The following PIP4K2A variants were observed in gnomAD, a reference collection of about 807,000 sequenced individuals.
PIP4K2A encodes phosphatidylinositol 5-phosphate 4-kinase type-2 alpha.
A neutral mutation model predicts 42.9 loss-of-function variants in PIP4K2A; 14 were observed. That is an observed-to-expected ratio of 0.33 (90% CI 0.22 to 0.51). The LOEUF (loss-of-function observed/expected upper bound fraction) is 0.51. Ranked by LOEUF, PIP4K2A falls within the 20% of genes least tolerant of loss-of-function variation. The pLI is 0.97. For missense variants in PIP4K2A, 434 were observed against 519.8 expected (o/e 0.83, Z 1.61); for synonymous variants, 192 against 192.2 (o/e 1.00, Z 0.01).
rs1325916033 is a variant in PIP4K2A at position 22,714,318 on chromosome 10, G to A, written c.9C>T (p.Thr3=). 2 of 1,604,664 alleles carry A rather than the reference G, an allele frequency of 1.2e-6. No homozygotes were observed. The highest frequency in any genetic ancestry group is 1.1e-5 in the South Asian group (1 of 90,648). The change falls in exon 1 of 10, where the codon ACC becomes ACT. Residue 3 remains threonine, a synonymous_variant. Coordinates refer to ENST00000376573, the MANE Select transcript of PIP4K2A (RefSeq NM_005028.5). ...GGACAGAGGACCCTAGGTTGCCGGG[G>A]GTCGCCATGGCCGCCTCCTATGTCC... MA[T]PGNLGSSVLA...
rs1836885049 is a variant in PIP4K2A at position 22,567,841 on chromosome 10, A to T, written c.678+10T>A. On this transcript the variant is annotated intron_variant, in intron 6 of 9. Transcript: ENST00000376573. Reference sequence around the variant, plus strand: ...CCAGGACATGGGGAGACATACAGCAAGGTACTTACCTTTTCTTTGTCACTA... The same window carrying T: ...CCAGGACATGGGGAGACATACAGCATGGTACTTACCTTTTCTTTGTCACTA... 2.5e-6 allele frequency: 4 copies of T among 1,610,642 alleles called. No individual in the cohort carries two copies. The highest frequency in any genetic ancestry group is 3.4e-6 in the Non-Finnish European group (4 of 1,176,704).
chr10:22,583,115 C>T (rs191503720), intron 4 of PIP4K2A, among the ~76,000 whole-genome samples: 2 of 152,226 alleles, frequency 1.3e-5, no homozygotes, highest in Non-Finnish European at 2.9e-5. Context: ...TTGTGACACA[C>T]CATAGTAAGG....
Position 22,694,621 on chromosome 10 carries a change from T to C in PIP4K2A, c.144+19562A>G, listed in dbSNP as rs188516197. Reference sequence around the variant, plus strand: ...GTGGCTGTCAGTAATACCTGGCAGATGTTTTTTTCAATGACCTTACTTAAT... The same window carrying C: ...GTGGCTGTCAGTAATACCTGGCAGACGTTTTTTTCAATGACCTTACTTAAT... On this transcript the variant is annotated intron_variant, in intron 1 of 9. Transcript: ENST00000376573. The C allele has an allele frequency of 7.9e-5, 12 of 151,924 alleles. No individual in the cohort carries two copies. The East Asian group carries it at 2.3e-3, about 29-fold the overall frequency. 9.4% of individuals were successfully genotyped at this position (151,924 alleles called of 1,614,324 possible).
intron 3 of PIP4K2A, among the ~76,000 whole-genome samples, chr10:22,603,262 A>C (rs778265778): frequency 9.9e-5 from 15 of 152,184 alleles, no homozygotes; most frequent in Non-Finnish European, 1.9e-4. Context: ...CTCCACAGTG[A>C]ACAAGAGGCC....
At chr10:22,670,690 A>G (rs1839430949) in intron 1 of PIP4K2A, among the ~76,000 whole-genome samples, 1 of 152,220 alleles carries the variant, frequency 6.6e-6, no homozygotes, top group Admixed American at 6.5e-5. Context: ...TCTCCATAGT[A>G]TTCAAAAACA....
chr10:22,619,152 G>C (rs61847502), intron 1 of PIP4K2A, among the ~76,000 whole-genome samples: 3,187 of 151,846 alleles, frequency 0.021, 43 homozygotes, highest in Non-Finnish European at 0.032. Context: ...AATATAGGTT[G>C]AAACAATTAA....
intron 1 of PIP4K2A, among the ~76,000 whole-genome samples, chr10:22,682,755 ACT>A (rs1177897777): frequency 6.6e-6 from 1 of 152,076 alleles, no homozygotes; most frequent in East Asian, 1.9e-4. Context: ...TGGCTCCTAG[ACT>A]CTCTACTCAG....
At chr10:22,688,886 T>C (rs1282239426) in intron 1 of PIP4K2A, among the ~76,000 whole-genome samples, 2 of 152,230 alleles carry the variant, frequency 1.3e-5, no homozygotes, top group South Asian at 2.1e-4. Context: ...ATTAAGTTCC[T>C]TACATATATG....
chr10:22,692,104 T>C (rs915428515), intron 1 of PIP4K2A, among the ~76,000 whole-genome samples: 4 of 151,984 alleles, frequency 2.6e-5, no homozygotes, highest in Non-Finnish European at 4.4e-5. Context: ...CAATAATATA[T>C]AGAATCAGTG....
At chr10:22,538,816 A>C (rs1374460043) in intron 9 of PIP4K2A, among the ~76,000 whole-genome samples, 1 of 152,230 alleles carries the variant, frequency 6.6e-6, no homozygotes, top group African/African-American at 2.4e-5. Context: ...GTGAGGTCCC[A>C]GTCTGTGCTC....
At chr10:22,579,090 C>G (rs185293881) in intron 4 of PIP4K2A, among the ~76,000 whole-genome samples, 1 of 151,740 alleles carries the variant, frequency 6.6e-6, no homozygotes, top group Non-Finnish European at 1.5e-5. Context: ...AGGCATATGT[C>G]GGGCATGAAA....
At chr10:22,676,555 A>G (rs1371397856) in intron 1 of PIP4K2A, among the ~76,000 whole-genome samples, 1 of 152,146 alleles carries the variant, frequency 6.6e-6, no homozygotes, top group African/African-American at 2.4e-5. Flanking sequence ...CAGCTGCTAC[A>G]TCATCTCATC....
chr10:22,592,411 G>A (rs903319071), intron 3 of PIP4K2A, among the ~76,000 whole-genome samples: 1 of 152,208 alleles, frequency 6.6e-6, no homozygotes, highest in African/African-American at 2.4e-5. Context: ...TTAACTTGCA[G>A]ACTATGCTAC....
At chr10:22,675,358 T>A (rs1295828842) in intron 1 of PIP4K2A, among the ~76,000 whole-genome samples, 1 of 152,064 alleles carries the variant, frequency 6.6e-6, no homozygotes, top group Non-Finnish European at 1.5e-5. Context: ...GAGGCCGAGG[T>A]GGGCAGATCA....
In PIP4K2A at chr10:22,551,293, C is replaced by A. The variant is rs891787610; in HGVS notation, c.679-521G>T. 5.9e-5 allele frequency among the ~76,000 whole-genome samples: 9 copies of A among 152,292 alleles called. No individual in the cohort carries two copies. In the South Asian group the frequency reaches 8.3e-4, roughly 14 times the overall value. ...CTTTCTGCACCAGGGAGACATGCAG[C>A]ACGAGGTTAGCCATCTGCCCTTCCA... On this transcript the variant is annotated intron_variant, in intron 6 of 9. Coordinates refer to ENST00000376573, the MANE Select transcript of PIP4K2A (RefSeq NM_005028.5).
intron 6 of PIP4K2A, among the ~76,000 whole-genome samples, chr10:22,559,688 A>G (rs1836638458): frequency 2.0e-5 from 3 of 152,246 alleles, no homozygotes; most frequent in African/African-American, 7.2e-5. Context: ...ACCTTAATCT[A>G]TATCTGGAAT....
intron 4 of PIP4K2A, among the ~76,000 whole-genome samples, chr10:22,575,893 G>A (rs900508467): frequency 6.6e-6 from 1 of 151,616 alleles, no homozygotes; most frequent in Non-Finnish European, 1.5e-5. Flanking sequence ...AGCCGAGATC[G>A]TGCCACTGTA....
intron 1 of PIP4K2A, among the ~76,000 whole-genome samples, chr10:22,644,190 C>G (rs1295743073): frequency 6.6e-6 from 1 of 152,180 alleles, no homozygotes; most frequent in African/African-American, 2.4e-5. Context: ...CCTCCATGCA[C>G]AGAGTAGCTT....
chr10:22,565,443 T>C (rs554234407), intron 6 of PIP4K2A, among the ~76,000 whole-genome samples: 7 of 152,300 alleles, frequency 4.6e-5, no homozygotes, highest in Admixed American at 2.0e-4. Flanking sequence ...TCAACATAAA[T>C]TGTAAAGATT....
Sources: gnomAD v4.1 joint callset for allele counts (sites outside exome capture counted in the v4.1 genomes callset) on GRCh38, gnomAD v4.1.1 for gene constraint, MANE v1.5 for transcripts, NCBI Gene and HGNC (gene_info 2026-07-23, HGNC 2026-07-21) for gene names.